The following TIMD4 variants were observed in gnomAD, a reference collection of about 807,000 sequenced individuals.
The protein encoded by TIMD4 is T-cell immunoglobulin and mucin domain-containing protein 4.
TIMD4 carries 31 observed loss-of-function variants against 41.2 expected under a neutral mutation model. The ratio of observed to expected loss-of-function variants is 0.75; its 90% CI spans 0.57 to 1.01. The LOEUF is 1.01. Among genes scored for constraint, TIMD4 ranks in the 50% least tolerant of loss-of-function variants. The probability of loss-of-function intolerance (pLI) is 0.00; values close to 1 mark genes in which losing one functional copy is unlikely to be tolerated. For synonymous variants in TIMD4, 204 were observed against 177.1 expected (o/e 1.15, Z -1.21); for missense variants, 479 against 472.5 (o/e 1.01, Z -0.13).
intron 3 of TIMD4, 109 bp from the exon 4 acceptor site, chr5:156,949,840 CAG>C (rs1472243979): frequency 1.5e-6 from 1 of 679,212 alleles, no homozygotes; most frequent in Non-Finnish European, 2.6e-6. Context: ...TTTTTTGAAA[CAG>C]AGTCTTGCTC....
intron 5 of TIMD4, chr5:156,935,585 C>G (rs1473123952): frequency 2.0e-5 from 3 of 152,122 alleles, no homozygotes; most frequent in Non-Finnish European, 2.9e-5. Context: ...TGTTGGCACC[C>G]AATGTGGTTC....
intron 5 of TIMD4, among the ~76,000 whole-genome samples, chr5:156,939,970 C>T (rs926871972): frequency 6.6e-6 from 1 of 152,230 alleles, no homozygotes; most frequent in Non-Finnish European, 1.5e-5. Flanking sequence ...GCCTCTCCGT[C>T]GTCTCCGTCT....
At position 156,939,041 on chromosome 5, in the gene TIMD4, T is replaced by C. The variant is rs115128201; in HGVS notation, c.844+9375A>G. On this transcript the variant is annotated intron_variant, in intron 5 of 8. Transcript: ENST00000274532. Reference sequence around the variant, plus strand: ...CAAGCTCCCCCAGTGTACTGCTCCTTTGTGGGGAGGGAGTCTCCCTTTGCA... The same window carrying C: ...CAAGCTCCCCCAGTGTACTGCTCCTCTGTGGGGAGGGAGTCTCCCTTTGCA... Among the ~76,000 whole-genome samples the C allele has an allele frequency of 4.4e-3, 671 of 152,278 alleles. 7 individuals carry two copies. Among genetic ancestry groups the C allele is most frequent in the African/African-American group, 0.015 (629 of 41,546 alleles).
At chr5:156,932,282 C>T (rs1308954835) in intron 5 of TIMD4, among the ~76,000 whole-genome samples, 3 of 152,168 alleles carry the variant, frequency 2.0e-5, no homozygotes, top group African/African-American at 7.2e-5. Flanking sequence ...TCACTGGAAA[C>T]TCCACGATGC....
intron 6 of TIMD4, 70 bp downstream of exon 6, chr5:156,926,193 C>T (rs1172891418): frequency 7.8e-6 from 12 of 1,537,338 alleles, no homozygotes; most frequent in Admixed American, 1.7e-5. Context: ...CATGAGCCAC[C>T]GTGCCTGGCC....
Position 156,963,189 on chromosome 5 carries a change from C to G in TIMD4, c.10G>C (p.Glu4Gln), listed in dbSNP as rs753915482. 6.2e-7 allele frequency: 1 copy of G among 1,614,154 alleles called. No homozygotes were observed. Among genetic ancestry groups the G allele is most frequent in the South Asian group, 1.1e-5 (1 of 91,078 alleles). Residue 4 changes from glutamate to glutamine, a missense_variant, in exon 1 of 9, where the codon GAA becomes CAA. Glu to Gln is a conservative substitution (Grantham distance 29). Transcript: ENST00000274532. MSKEPLILWLMIEF... is the reference protein window; with the variant it reads MSKQPLILWLMIEF... Reference sequence around the variant, plus strand: ...ATCATCAGCCAGAGAATGAGAGGTTCTTTGGACATTTTGACGGTTGACCGG... The same window carrying G: ...ATCATCAGCCAGAGAATGAGAGGTTGTTTGGACATTTTGACGGTTGACCGG...
At chr5:156,926,400 G>T in intron 5 of TIMD4, 88 bp from the exon 6 acceptor site, 1 of 1,307,852 alleles carries the variant, frequency 7.6e-7, no homozygotes, top group Non-Finnish European at 1.1e-6. Flanking sequence ...GAGTCCATCT[G>T]GAACTGCAGC....
intron 5 of TIMD4, among the ~76,000 whole-genome samples, chr5:156,934,180 C>T (rs1211995491): frequency 6.6e-6 from 1 of 152,234 alleles, no homozygotes; most frequent in African/African-American, 2.4e-5. Context: ...GAGACTTCCT[C>T]TTTGAATACA....
intron 5 of TIMD4, among the ~76,000 whole-genome samples, chr5:156,944,748 G>A (rs1055412419): frequency 6.6e-5 from 10 of 151,976 alleles, no homozygotes; most frequent in South Asian, 6.2e-4. Context: ...TTCGTGATCC[G>A]CCCACCTCGG....
At chr5:156,959,743 GA>G (rs2113399506) in intron 1 of TIMD4, among the ~76,000 whole-genome samples, 2 of 152,138 alleles carry the variant, frequency 1.3e-5, no homozygotes, top group South Asian at 4.2e-4. Context: ...GGTTATCTTA[GA>G]AAAGGCACAT....
chr5:156,923,057 CT>C (rs951850584), intron 6 of TIMD4, among the ~76,000 whole-genome samples: 65 of 144,996 alleles, frequency 4.5e-4, no homozygotes, highest in African/African-American at 5.8e-4. Context: ...AAAGTTTAAA[CT>C]TTTTTTTTTT....
At chr5:156,926,446 A>T in intron 5 of TIMD4, 134 bp from the exon 6 acceptor site, 1 of 841,472 alleles carries the variant, frequency 1.2e-6, no homozygotes, top group African/African-American at 1.7e-5. Flanking sequence ...TGTTTTTTGT[A>T]TAATCTATTT....
In TIMD4 at chr5:156,936,200, C is replaced by A. The variant is rs548266922; in HGVS notation, c.845-9888G>T. Among the ~76,000 whole-genome samples the A allele has an allele frequency of 9.5e-4, 145 of 152,200 alleles. 1 individual carries two copies. Among genetic ancestry groups the A allele is most frequent in the Non-Finnish European group, 1.0e-3 (70 of 68,044 alleles). On this transcript the variant is annotated intron_variant, in intron 5 of 8. Coordinates refer to ENST00000274532, the MANE Select transcript of TIMD4 (RefSeq NM_138379.3). ...GCTGCAGTGAGCCATGATCACACCA[C>A]TGCACTCCAGCCTGAGCTGCAGAAC...
chr5:156,941,209 C>G lies in TIMD4; in HGVS notation c.844+7207G>C, dbSNP rs187950067. Reference sequence around the variant, plus strand: ...CCGCAGGGTCCTCTGCCTAGGAAAACCAGAGACCTTTGTTCACATGTTTAT... The same window carrying G: ...CCGCAGGGTCCTCTGCCTAGGAAAAGCAGAGACCTTTGTTCACATGTTTAT... On this transcript the variant is annotated intron_variant, in intron 5 of 8. Coordinates refer to ENST00000274532, the MANE Select transcript of TIMD4 (RefSeq NM_138379.3). 8.5e-5 allele frequency among the ~76,000 whole-genome samples: 13 copies of G among 152,212 alleles called. No individual in the cohort carries two copies. In the East Asian group the frequency reaches 2.5e-3, roughly 29 times the overall value.
At chr5:156,923,687 C>A (rs1350300207) in intron 6 of TIMD4, among the ~76,000 whole-genome samples, 1 of 150,674 alleles carries the variant, frequency 6.6e-6, no homozygotes, top group Middle Eastern at 3.2e-3. Context: ...TACAGGCATG[C>A]ATCACGATGC....
At chr5:156,932,864 C>A (rs1042555204) in intron 5 of TIMD4, among the ~76,000 whole-genome samples, 1 of 151,928 alleles carries the variant, frequency 6.6e-6, no homozygotes, top group South Asian at 2.1e-4. Context: ...ATTAGCCAGG[C>A]GTGGTGGTGG....
At chr5:156,949,258 C>G (rs943520707) in intron 4 of TIMD4, among the ~76,000 whole-genome samples, 1 of 152,128 alleles carries the variant, frequency 6.6e-6, no homozygotes, top group Non-Finnish European at 1.5e-5. Flanking sequence ...ATTAGTAAAC[C>G]CCTCAGCAGT....
intron 6 of TIMD4, among the ~76,000 whole-genome samples, chr5:156,922,724 C>T (rs1174038351): frequency 1.3e-5 from 2 of 152,158 alleles, no homozygotes; most frequent in African/African-American, 4.8e-5. Context: ...GTATACTTTC[C>T]CAGAGGCTAT....
intron 5 of TIMD4, among the ~76,000 whole-genome samples, chr5:156,939,993 G>A (rs1035869551): frequency 6.6e-6 from 1 of 152,142 alleles, no homozygotes; most frequent in Admixed American, 6.5e-5. Flanking sequence ...CGCTTTCCAC[G>A]GTCTCCCTCT....
Sources: allele counts gnomAD v4.1 joint callset (sites outside exome capture counted in the v4.1 genomes callset), GRCh38; gene constraint gnomAD v4.1.1; transcripts MANE v1.5; gene names NCBI Gene and HGNC (gene_info 2026-07-23, HGNC 2026-07-21).